The following PTPRD variants were observed in gnomAD, a reference collection of about 807,000 sequenced individuals.
The protein encoded by PTPRD is protein tyrosine phosphatase receptor type D.
A neutral mutation model predicts 214.5 loss-of-function variants in PTPRD; 34 were observed. The ratio of observed to expected loss-of-function variants is 0.16; its 90% confidence interval spans 0.12 to 0.21. The LOEUF (loss-of-function observed/expected upper bound fraction) is 0.21. PTPRD is among the 10% of genes least tolerant of loss of function. PTPRD has a pLI of 1.00. For synonymous variants in PTPRD, 1,128 were observed against 845.7 expected, an observed-to-expected ratio of 1.33 and a Z score of -5.79; for missense variants, 2,545 against 2,398.7, an observed-to-expected ratio of 1.06 and a Z score of -1.27.
At chr9:9,118,588 C>T (rs1273644292) in intron 10 of PTPRD, among the ~76,000 whole-genome samples, 1 of 152,170 alleles carries the variant, frequency 6.6e-6, no homozygotes, top group Non-Finnish European at 1.5e-5. Context: ...ATTACTCATA[C>T]ATCTCCTCCC....
At chr9:9,536,028 T>G (rs1185202852) in intron 8 of PTPRD, among the ~76,000 whole-genome samples, 4 of 152,032 alleles carry the variant, frequency 2.6e-5, no homozygotes, top group African/African-American at 9.7e-5. Flanking sequence ...ATACATAGAA[T>G]TTGCTGATCT....
intron 8 of PTPRD, among the ~76,000 whole-genome samples, chr9:9,549,533 T>C (rs866953679): frequency 1.7e-4 from 26 of 152,220 alleles, no homozygotes; most frequent in African/African-American, 6.3e-4. Flanking sequence ...TAACTGCTGG[T>C]GAAGATGTAT....
chr9:9,093,097 C>T (rs1026362576), intron 10 of PTPRD, among the ~76,000 whole-genome samples: 11 of 152,006 alleles, frequency 7.2e-5, no homozygotes, highest in African/African-American at 2.7e-4. Context: ...AGGGACATTG[C>T]ATAGTGATAA....
chr9:8,930,801 TG>T (rs1189290496), intron 11 of PTPRD, among the ~76,000 whole-genome samples: 1 of 152,188 alleles, frequency 6.6e-6, no homozygotes, highest in African/African-American at 2.4e-5. Flanking sequence ...CACTTTTTGA[TG>T]GGGTTGTTTG....
At chr9:9,230,921 T>C (rs1477803478) in intron 9 of PTPRD, among the ~76,000 whole-genome samples, 1 of 152,096 alleles carries the variant, frequency 6.6e-6, no homozygotes, top group Non-Finnish European at 1.5e-5. Context: ...GAAAAACAGA[T>C]TTTTATCGCT....
At chr9:10,226,731 T>C (rs192122482) in intron 3 of PTPRD, among the ~76,000 whole-genome samples, 6 of 152,120 alleles carry the variant, frequency 3.9e-5, no homozygotes, top group African/African-American at 1.2e-4. Flanking sequence ...CCAAAGTCTG[T>C]TTGTCAGCAT....
intron 14 of PTPRD, among the ~76,000 whole-genome samples, chr9:8,630,572 T>C (rs1054513664): frequency 6.6e-6 from 1 of 151,832 alleles, no homozygotes; most frequent in Non-Finnish European, 1.5e-5. Flanking sequence ...TACTTTTGAA[T>C]TTTTCTCATG....
At chr9:10,130,793 C>A (rs2098864654) in intron 3 of PTPRD, among the ~76,000 whole-genome samples, 1 of 152,028 alleles carries the variant, frequency 6.6e-6, no homozygotes, top group South Asian at 2.1e-4. Flanking sequence ...CAGATATGAT[C>A]ATTTCCTCAG....
intron 9 of PTPRD, among the ~76,000 whole-genome samples, chr9:9,239,247 T>C (rs1459266662): frequency 6.6e-6 from 1 of 151,560 alleles, no homozygotes; most frequent in Non-Finnish European, 1.5e-5. Flanking sequence ...AAGTAGAAAC[T>C]AACTCAAAGG....
Position 8,417,253 on chromosome 9 carries a change from T to C in PTPRD, c.4087-12593A>G, listed in dbSNP as rs532932232. Among the ~76,000 whole-genome samples, 67 of 152,234 alleles carry C rather than the reference T, an allele frequency of 4.4e-4. 2 individuals are homozygous for C. In the East Asian group the frequency reaches 0.012, roughly 26 times the overall value. ...TTAAGTATAATCTTTACTTTAATAATTGGGAACAAAAAGACACATCTCAAG... is the reference window on the plus strand; with the variant it reads ...TTAAGTATAATCTTTACTTTAATAACTGGGAACAAAAAGACACATCTCAAG... On this transcript the variant is annotated intron_variant, in intron 35 of 45. Transcript: ENST00000381196.
intron 6 of PTPRD, among the ~76,000 whole-genome samples, chr9:9,748,430 A>G (rs556776516): frequency 3.7e-4 from 56 of 152,366 alleles, no homozygotes; most frequent in Non-Finnish European, 7.1e-4. Context: ...TGGACAGTTC[A>G]GAAACCAAGA....
intron 2 of PTPRD, among the ~76,000 whole-genome samples, chr9:10,575,559 T>A (rs142869491): frequency 6.6e-6 from 1 of 152,144 alleles, no homozygotes; most frequent in Non-Finnish European, 1.5e-5. Context: ...ATCAGTCTTG[T>A]AAAGTATGGC....
At chr9:9,340,198 A>T (rs571644393) in intron 9 of PTPRD, among the ~76,000 whole-genome samples, 15 of 152,300 alleles carry the variant, frequency 9.8e-5, no homozygotes, top group African/African-American at 3.4e-4. Flanking sequence ...GAAAATTAAC[A>T]GCCCATAATC....
At chr9:10,301,172 G>C (rs568548349) in intron 3 of PTPRD, among the ~76,000 whole-genome samples, 3 of 152,254 alleles carry the variant, frequency 2.0e-5, no homozygotes, top group African/African-American at 4.8e-5. Context: ...TACAGCAGAG[G>C]GGGGTGACTG....
intron 5 of PTPRD, among the ~76,000 whole-genome samples, chr9:9,875,253 G>A (rs991038663): frequency 6.6e-6 from 1 of 151,916 alleles, no homozygotes; most frequent in African/African-American, 2.4e-5. Flanking sequence ...ATTTTACAGA[G>A]AAGCAAAATT....
intron 11 of PTPRD, among the ~76,000 whole-genome samples, chr9:8,783,345 G>C (rs1175493978): frequency 1.3e-5 from 2 of 152,152 alleles, no homozygotes; most frequent in African/African-American, 4.8e-5. Context: ...GTAACTTTCT[G>C]TATATCATAA....
chr9:10,329,652 C>T (rs1054377307), intron 3 of PTPRD, among the ~76,000 whole-genome samples: 1 of 151,776 alleles, frequency 6.6e-6, no homozygotes, highest in Non-Finnish European at 1.5e-5. Flanking sequence ...TACAAGTATA[C>T]TTTTCTTATA....
At chr9:10,443,224 G>A (rs994325628) in intron 2 of PTPRD, among the ~76,000 whole-genome samples, 14 of 151,326 alleles carry the variant, frequency 9.3e-5, no homozygotes, top group Non-Finnish European at 1.3e-4. Flanking sequence ...CTTAGAATCC[G>A]GTCACATATA....
chr9:9,520,682 T>C (rs1022270981), intron 8 of PTPRD, among the ~76,000 whole-genome samples: 5 of 152,188 alleles, frequency 3.3e-5, no homozygotes, highest in African/African-American at 1.2e-4. Context: ...TTGAAAGTAA[T>C]TGGCAGCTGG....
Sources: gnomAD v4.1 joint callset for allele counts (sites outside exome capture counted in the v4.1 genomes callset) on GRCh38, gnomAD v4.1.1 for gene constraint, MANE v1.5 for transcripts, NCBI Gene and HGNC (gene_info 2026-07-23, HGNC 2026-07-21) for gene names.